Variants in TSHZ2 observed in about 807,000 individuals in gnomAD.
TSHZ2 encodes teashirt homolog 2.
In TSHZ2, 21 loss-of-function variants were observed where a neutral mutation model predicts 74.4. The ratio of observed to expected loss-of-function variants is 0.28; its 90% CI spans 0.20 to 0.41. The LOEUF is 0.41. Among genes scored for constraint, TSHZ2 ranks in the 10% least tolerant of loss-of-function variants. The pLI, the probability that TSHZ2 is intolerant of heterozygous loss-of-function variation, is 1.00. For synonymous variants in TSHZ2, 540 were observed against 515.3 expected, an observed-to-expected ratio of 1.05 and a Z score of -0.65; for missense variants, 1,244 against 1,293.5, an observed-to-expected ratio of 0.96 and a Z score of 0.59.
At chr20:53,373,487 C>G (rs748850618) in intron 2 of TSHZ2, among the ~76,000 whole-genome samples, 1 of 152,076 alleles carries the variant, frequency 6.6e-6, no homozygotes, top group Non-Finnish European at 1.5e-5. Flanking sequence ...GCATTTAGCA[C>G]ATAATAACTG....
rs1987216301 is a variant in TSHZ2 at position 53,135,243 on chromosome 20, G to A, written c.41-118256G>A. Among the ~76,000 whole-genome samples the A allele has an allele frequency of 2.6e-5, 4 of 152,108 alleles. No homozygotes were observed. The South Asian group carries it at 8.3e-4, about 32-fold the overall frequency. ...ATCTGTGTTATGACAACAACAGTGA[G>A]GACCCAGAAGAGCTCCAGCCCTCCA... On this transcript the variant is annotated intron_variant, in intron 1 of 2. Coordinates refer to ENST00000371497, the MANE Select transcript of TSHZ2 (RefSeq NM_173485.6).
At chr20:53,121,332 C>A (rs1435175955) in intron 1 of TSHZ2, among the ~76,000 whole-genome samples, 8 of 151,746 alleles carry the variant, frequency 5.3e-5, no homozygotes, top group African/African-American at 1.9e-4. Context: ...TATCTAATAC[C>A]CCAAATCTAG....
intron 2 of TSHZ2, among the ~76,000 whole-genome samples, chr20:53,394,859 C>G (rs1471890621): frequency 2.3e-5 from 1 of 44,116 alleles, no homozygotes. Flanking sequence ...CAGAACTCAC[C>G]AAAAAAAAAA....
At chr20:53,472,752 C>A (rs1985854664) in intron 2 of TSHZ2, among the ~76,000 whole-genome samples, 1 of 151,146 alleles carries the variant, frequency 6.6e-6, no homozygotes, top group Non-Finnish European at 1.5e-5. Flanking sequence ...GTACCAGGTT[C>A]ATCTCACTAG....
chr20:53,429,794 T>C (rs1463847631), intron 2 of TSHZ2, among the ~76,000 whole-genome samples: 1 of 152,038 alleles, frequency 6.6e-6, no homozygotes, highest in African/African-American at 2.4e-5. Context: ...TTTCTATGGT[T>C]ATGTATTTAT....
intron 1 of TSHZ2, among the ~76,000 whole-genome samples, chr20:53,145,896 T>C (rs1466227530): frequency 1.1e-4 from 16 of 152,162 alleles, no homozygotes; most frequent in Admixed American, 9.8e-4. Context: ...AATGACTGAA[T>C]GGTAATAAAT....
At chr20:53,340,504 CA>C (rs938647911) in intron 2 of TSHZ2, among the ~76,000 whole-genome samples, 3 of 151,942 alleles carry the variant, frequency 2.0e-5, no homozygotes, top group African/African-American at 7.2e-5. Context: ...GGTGATTTTT[CA>C]AAAAATTATT....
chr20:53,197,967 TTC>T (rs1187559001), intron 1 of TSHZ2, among the ~76,000 whole-genome samples: 32 of 152,328 alleles, frequency 2.1e-4, no homozygotes, highest in African/African-American at 7.5e-4. Context: ...GCAATAAAGT[TTC>T]TCTTTGGCCA....
chr20:53,121,352 A>G (rs564125813), intron 1 of TSHZ2, among the ~76,000 whole-genome samples: 12 of 152,348 alleles, frequency 7.9e-5, no homozygotes, highest in African/African-American at 2.6e-4. Flanking sequence ...GTATTAAAAA[A>G]AAGTAAATGA....
intron 1 of TSHZ2, among the ~76,000 whole-genome samples, chr20:53,011,765 C>G (rs912397483): frequency 1.3e-5 from 2 of 152,128 alleles, no homozygotes; most frequent in African/African-American, 4.8e-5. Context: ...GGGCAGTTTT[C>G]TTTACACTGG....
At chr20:53,273,019 T>A (rs1409328336) in intron 2 of TSHZ2, among the ~76,000 whole-genome samples, 2 of 152,194 alleles carry the variant, frequency 1.3e-5, no homozygotes, top group Non-Finnish European at 2.9e-5. Context: ...GGTGGCAACT[T>A]GGAAGCAGAA....
At chr20:53,380,161 T>C (rs907732412) in intron 2 of TSHZ2, among the ~76,000 whole-genome samples, 1 of 145,528 alleles carries the variant, frequency 6.9e-6, no homozygotes, top group African/African-American at 2.8e-5. Flanking sequence ...TGTGTGTGTG[T>C]GTGCACACGC....
intron 1 of TSHZ2, among the ~76,000 whole-genome samples, chr20:53,133,969 G>GGAAAAAAAAAA (rs561152326): frequency 7.8e-6 from 1 of 127,924 alleles, no homozygotes; most frequent in Non-Finnish European, 1.7e-5. Context: ...CATTTTTTCT[G>GGAAAAAAAAAA]AAAAAAAAAA....
intron 1 of TSHZ2, among the ~76,000 whole-genome samples, chr20:53,148,610 GA>G (rs932932984): frequency 1.5e-4 from 22 of 151,092 alleles, no homozygotes; most frequent in African/African-American, 3.9e-4. Context: ...TTGATTGAAA[GA>G]AAAAAAAAGT....
chr20:53,143,264 A>G (rs777357498), intron 1 of TSHZ2, among the ~76,000 whole-genome samples: 5 of 152,188 alleles, frequency 3.3e-5, no homozygotes, highest in Admixed American at 6.5e-5. Context: ...CTAAATTCTG[A>G]TATTCACAGT....
intron 1 of TSHZ2, among the ~76,000 whole-genome samples, chr20:53,142,110 A>C (rs1987414452): frequency 6.6e-6 from 1 of 152,172 alleles, no homozygotes; most frequent in Non-Finnish European, 1.5e-5. Context: ...TGCCCATGAC[A>C]GAAAACTCAC....
At chr20:53,004,141 C>T (rs984028960) in intron 1 of TSHZ2, among the ~76,000 whole-genome samples, 19 of 152,012 alleles carry the variant, frequency 1.2e-4, no homozygotes, top group Non-Finnish European at 2.2e-4. Flanking sequence ...GCACCCACTC[C>T]CCCCCTCCAA....
At chr20:53,207,589 G>A (rs567365569) in intron 1 of TSHZ2, among the ~76,000 whole-genome samples, 2 of 152,236 alleles carry the variant, frequency 1.3e-5, no homozygotes, top group Non-Finnish European at 2.9e-5. Flanking sequence ...CTTTAGAGAT[G>A]AGCACCCTAA....
In TSHZ2 at chr20:53,267,588, G is replaced by A. The variant is rs1359835436; in HGVS notation, c.*8+11017G>A. Among the ~76,000 whole-genome samples, 5 of 152,286 alleles carry A rather than the reference G, an allele frequency of 3.3e-5. No individual in the cohort carries two copies. The East Asian group carries it at 5.8e-4, about 18-fold the overall frequency. On this transcript the variant is annotated intron_variant, in intron 2 of 2. Transcript: ENST00000371497. ...GGAGTCCAGCTTAGACCCTACACATGTGTTCCTTCTACCACATGACTCTTG... is the reference window on the plus strand; with the variant it reads ...GGAGTCCAGCTTAGACCCTACACATATGTTCCTTCTACCACATGACTCTTG...
Sources: gnomAD v4.1 joint callset for allele counts (sites outside exome capture counted in the v4.1 genomes callset) on GRCh38, gnomAD v4.1.1 for gene constraint, MANE v1.5 for transcripts, NCBI Gene and HGNC (gene_info 2026-07-23, HGNC 2026-07-21) for gene names.